The following ITIH5 variants were observed in gnomAD, a reference collection of about 807,000 sequenced individuals.
ITIH5 encodes the protein inter-alpha-trypsin inhibitor heavy chain H5.
Under a neutral mutation model 77.5 loss-of-function variants are expected in ITIH5, and 65 were observed. The observed-to-expected ratio is 0.84, with a 90% confidence interval of 0.69 to 1.03. The LOEUF is 1.03. Among genes scored for constraint, ITIH5 ranks in the 50% least tolerant of loss-of-function variants. The pLI is 0.00. For synonymous variants in ITIH5, 525 were observed against 494.3 expected, an observed-to-expected ratio of 1.06 and a Z score of -0.82; for missense variants, 1,208 against 1,213.1, an observed-to-expected ratio of 1.00 and a Z score of 0.06.
At chr10:7,652,031 C>T (rs1834109309) in intron 2 of ITIH5, among the ~76,000 whole-genome samples, 1 of 152,186 alleles carries the variant, frequency 6.6e-6, no homozygotes, top group Non-Finnish European at 1.5e-5. Context: ...AAGACAGACC[C>T]TGCAGTCAGG....
At chr10:7,567,610 T>C (rs534853912) in intron 12 of ITIH5, among the ~76,000 whole-genome samples, 1 of 151,994 alleles carries the variant, frequency 6.6e-6, no homozygotes, top group Non-Finnish European at 1.5e-5. Context: ...GTCCTTGCAA[T>C]AGTTTGCTCA....
At position 7,560,136 on chromosome 10, in the gene ITIH5, C is replaced by A. The variant is rs1336875394; in HGVS notation, c.*2947G>T. 6 of 236,312 alleles carry A rather than the reference C, an allele frequency of 2.5e-5. No homozygotes were observed. 14.6% of individuals were successfully genotyped at this position (236,312 alleles called of 1,614,324 possible). A position where few individuals can be genotyped will look rare whatever the true frequency, so the allele number is the denominator to read the frequency against. ...AAATGTTGGGATTACAGGTGTGAGC[C>A]ACTGCACCTGGCCCCATGTCTCTTC... On this transcript the variant is annotated 3_prime_UTR_variant, in exon 14 of 14. Coordinates refer to ENST00000397146, the MANE Select transcript of ITIH5 (RefSeq NM_030569.7).
chr10:7,656,898 T>TA (rs1361539590), intron 1 of ITIH5, among the ~76,000 whole-genome samples: 2 of 150,292 alleles, frequency 1.3e-5, no homozygotes, highest in Non-Finnish European at 3.0e-5. Flanking sequence ...TGCCTGCCAC[T>TA]ACGCCCCGCT....
chr10:7,563,317 G>A lies in ITIH5; in HGVS notation c.2595C>T (p.His865=). The A allele has an allele frequency of 6.2e-7, 1 of 1,614,250 alleles. No individual in the cohort carries two copies. Among genetic ancestry groups the A allele is most frequent in the Non-Finnish European group, 8.5e-7 (1 of 1,180,042 alleles). ...DPAGPSQNLT[H]PLLLQVGEGP... ...CCTCTCCCACCTGAAGGAGCAGAGG[G>A]TGAGTGAGGTTCTGGCTGGGCCCTG... The change falls in exon 14 of 14, where the codon CAC becomes CAT. Residue 865 remains histidine, a synonymous_variant. Transcript: ENST00000397146.
At chr10:7,664,869 G>A (rs1013214833) in intron 1 of ITIH5, among the ~76,000 whole-genome samples, 1 of 152,152 alleles carries the variant, frequency 6.6e-6, no homozygotes, top group Non-Finnish European at 1.5e-5. Flanking sequence ...TATATTAATT[G>A]TTTCACTTTT....
At chr10:7,649,655 A>T (rs1834065595) in intron 2 of ITIH5, among the ~76,000 whole-genome samples, 1 of 152,224 alleles carries the variant, frequency 6.6e-6, no homozygotes, top group South Asian at 2.1e-4. Flanking sequence ...TAGTATTTAC[A>T]TGTGGTGAAA....
chr10:7,634,953 CTTT>C (rs1178689621), intron 5 of ITIH5, among the ~76,000 whole-genome samples: 1 of 152,094 alleles, frequency 6.6e-6, no homozygotes, highest in Non-Finnish European at 1.5e-5. Flanking sequence ...GTTTGCTTTT[CTTT>C]TTATTTATTT....
intron 7 of ITIH5, among the ~76,000 whole-genome samples, chr10:7,611,340 A>G (rs1564259310): frequency 6.6e-6 from 1 of 152,284 alleles, no homozygotes; most frequent in African/African-American, 2.4e-5. Flanking sequence ...TATTTTTAAG[A>G]AGTGCCCGAA....
chr10:7,600,071 C>T (rs1384435741), intron 7 of ITIH5, among the ~76,000 whole-genome samples: 1 of 152,160 alleles, frequency 6.6e-6, no homozygotes, highest in Non-Finnish European at 1.5e-5. Context: ...GCAGAGAAGG[C>T]AGTAGAGGCT....
Position 7,561,081 on chromosome 10 carries a change from G to C in ITIH5, c.*2002C>G, listed in dbSNP as rs2130929661. On this transcript the variant is annotated 3_prime_UTR_variant, in exon 14 of 14. Coordinates refer to ENST00000397146, the MANE Select transcript of ITIH5 (RefSeq NM_030569.7). ...AAGATCTACACGTAAAGAAGAGGAA[G>C]AAAAAAGGTGATATTTTTCTAAAGT... 6.7e-6 allele frequency: 1 copy of C among 148,318 alleles called. No individual in the cohort carries two copies. The highest frequency in any genetic ancestry group is 2.1e-4 in the South Asian group (1 of 4,706). 9.2% of individuals were successfully genotyped at this position (148,318 alleles called of 1,614,324 possible).
chr10:7,641,833 A>G (rs1833894090), intron 3 of ITIH5, 94 bp downstream of exon 3: 3 of 991,258 alleles, frequency 3.0e-6, no homozygotes, highest in Non-Finnish European at 4.6e-6. Flanking sequence ...TGGAATATAA[A>G]TCCTCACAGT....
At chr10:7,594,466 C>T (rs1832855886) in intron 7 of ITIH5, among the ~76,000 whole-genome samples, 1 of 152,142 alleles carries the variant, frequency 6.6e-6, no homozygotes, top group Non-Finnish European at 1.5e-5. Context: ...ATGTTGGAGT[C>T]ATGAAGTTAA....
At chr10:7,578,871 T>C (rs1832478576) in intron 9 of ITIH5, among the ~76,000 whole-genome samples, 1 of 152,234 alleles carries the variant, frequency 6.6e-6, no homozygotes, top group African/African-American at 2.4e-5. Flanking sequence ...GATCTGAGTT[T>C]TCTCCATCTC....
In ITIH5 at chr10:7,628,880, AGCGTGTGTCCG is replaced by A. The variant is rs1564269159; in HGVS notation, c.652+8337_652+8347del. On this transcript the variant is annotated intron_variant, in intron 5 of 13. Coordinates refer to ENST00000397146, the MANE Select transcript of ITIH5 (RefSeq NM_030569.7). ...CTGTTGTAGCGTGTGTCCGTGTTGT[AGCGTGTGTCCG>A]TGTTGTGGCATGCATCCATGTTATC... 8.6e-5 allele frequency among the ~76,000 whole-genome samples: 11 copies of A among 127,642 alleles called. 2 individuals are homozygous for A. Among genetic ancestry groups the A allele is most frequent in the South Asian group, 8.0e-4 (3 of 3,772 alleles). The allele number at this position is 127,642 out of a possible 152,430, so 83.7% of individuals were successfully genotyped here.
chr10:7,589,484 T>G (rs1030671635), intron 7 of ITIH5, among the ~76,000 whole-genome samples: 3 of 151,970 alleles, frequency 2.0e-5, no homozygotes, highest in Admixed American at 6.6e-5. Context: ...CACTGCAGGA[T>G]TTTTGCACCT....
At chr10:7,659,500 T>C (rs1190734339) in intron 1 of ITIH5, among the ~76,000 whole-genome samples, 1 of 152,206 alleles carries the variant, frequency 6.6e-6, no homozygotes, top group African/African-American at 2.4e-5. Context: ...TTATCAGTCT[T>C]GCATGATCAT....
chr10:7,576,958 G>A lies in ITIH5; in HGVS notation c.1473C>T (p.Pro491=), dbSNP rs768494249. ...TGGTGGCCTGCACCACTGAGCTGGG[G>A]GGATAATCGATGCGGATGTCAGAGA... is the stretch of plus-strand genomic sequence containing the variant. ...PLLSDIRIDY[P]PSSVVQATKT... Residue 491 remains proline, a synonymous_variant, in exon 10 of 14, where the codon CCC becomes CCT. Coordinates refer to ENST00000397146, the MANE Select transcript of ITIH5 (RefSeq NM_030569.7). 6.2e-7 allele frequency: 1 copy of A among 1,614,086 alleles called. No homozygotes were observed. The highest frequency in any genetic ancestry group is 8.5e-7 in the Non-Finnish European group (1 of 1,179,998).
At chr10:7,632,025 C>A (rs2097053629) in intron 5 of ITIH5, among the ~76,000 whole-genome samples, 1 of 151,158 alleles carries the variant, frequency 6.6e-6, no homozygotes, top group Non-Finnish European at 1.5e-5. Context: ...TCTTGAACTC[C>A]TGACCTCAAG....
chr10:7,625,372 G>A (rs1833559067), intron 5 of ITIH5, among the ~76,000 whole-genome samples: 1 of 152,190 alleles, frequency 6.6e-6, no homozygotes, highest in Non-Finnish European at 1.5e-5. Flanking sequence ...TGAGGAGTCA[G>A]TGTTTAATGG....
Sources: allele counts gnomAD v4.1 joint callset (sites outside exome capture counted in the v4.1 genomes callset), GRCh38; gene constraint gnomAD v4.1.1; transcripts MANE v1.5; gene names NCBI Gene and HGNC (gene_info 2026-07-23, HGNC 2026-07-21).